The following SLC7A5 variants were observed in gnomAD, a reference collection of about 807,000 sequenced individuals.
The protein encoded by SLC7A5 is large neutral amino acids transporter small subunit 1.
In SLC7A5, 23 loss-of-function variants were observed where a neutral mutation model predicts 50.2. The ratio of observed to expected loss-of-function variants is 0.46; its 90% CI spans 0.33 to 0.65. SLC7A5 has a LOEUF of 0.65. Ranked by LOEUF, SLC7A5 falls within the 30% of genes least tolerant of loss-of-function variation. The pLI, the probability that SLC7A5 is intolerant of heterozygous loss-of-function variation, is 0.02. For missense variants in SLC7A5, 578 were observed against 684.4 expected, an observed-to-expected ratio of 0.84 and a Z score of 1.73; for synonymous variants, 393 against 330.6, an observed-to-expected ratio of 1.19 and a Z score of -2.05.
chr16:87,841,073 G>A lies in SLC7A5; in HGVS notation c.747C>T (p.Ser249=), dbSNP rs148552592. The change falls in exon 3 of 10, where the codon AGC becomes AGT. Residue 249 remains serine (S), a synonymous_variant. Transcript: ENST00000261622. This position sits in a 1 kb window ranked among gnomAD's most constrained non-coding sequence, Gnocchi z 4.8. ...DVGNIVLALY[S]GLFAYGGWNY... ...ACCATCCTCCATAGGCAAAGAGGCCGCTGTATAATGCCAGCACAATGTTCC... is the reference window on the plus strand; with the variant it reads ...ACCATCCTCCATAGGCAAAGAGGCCACTGTATAATGCCAGCACAATGTTCC... 1.7e-4 allele frequency: 277 copies of A among 1,613,328 alleles called. No homozygotes were observed. The highest frequency in any genetic ancestry group is 3.3e-4 in the Middle Eastern group (2 of 6,084).
rs930511257 is a variant in SLC7A5, at chr16:87,851,724, C to T, written c.664G>A (p.Gly222Ser). ...ILLGFVQIGK[G>S]DVSNLDPNFS... The stretch of plus-strand genomic sequence containing the variant: ...GGTGGGGCCTGGGGGACGTACTCAC[C>T]CTTCCCGATCTGGACGAAGCCCAGC... Residue 222 changes from glycine to serine, a missense_variant and splice_region_variant, in exon 2 of 10, where the codon GGT becomes AGT. Physicochemically the swap from Gly to Ser is moderately conservative, Grantham distance 56. Around this residue, in one of 2 missense-constraint regions of SLC7A5, gnomAD observed 465 missense variants for 594.6 expected, o/e 0.78. Transcript: ENST00000261622. The T allele has an allele frequency of 3.1e-6, 5 of 1,611,328 alleles. No homozygotes were observed. The highest frequency in any genetic ancestry group is 1.6e-4 in the Middle Eastern group (1 of 6,074).
At chr16:87,843,381 T>C (rs1413515458) in intron 2 of SLC7A5, among the ~76,000 whole-genome samples, 1 of 64,602 alleles carries the variant, frequency 1.5e-5, no homozygotes, top group Non-Finnish European at 2.6e-5. Context: ...TTTTTTTTTT[T>C]TTTTTGAGAC....
intron 2 of SLC7A5, 66 bp downstream of exon 2, chr16:87,851,658 G>A (rs541933252): frequency 2.5e-6 from 4 of 1,575,942 alleles, no homozygotes; most frequent in Middle Eastern, 1.8e-4. Context: ...GGGACCTCAT[G>A]CCCTGTGAAG....
chr16:87,846,620 C>T (rs1463380911), intron 2 of SLC7A5, among the ~76,000 whole-genome samples: 4 of 152,176 alleles, frequency 2.6e-5, no homozygotes, highest in African/African-American at 4.8e-5. Context: ...GGAAACACAG[C>T]GAGGGGGTGT....
chr16:87,837,857 G>C lies in SLC7A5; in HGVS notation c.1128C>G (p.Ser376=), dbSNP rs1293487148. Residue 376 remains serine, a synonymous_variant, in exon 7 of 10, where the codon TCC becomes TCG. Coordinates refer to ENST00000261622, the MANE Select transcript of SLC7A5 (RefSeq NM_003486.7). ...GCAGCAGGCTTACCGTGAACACGAG[G>C]GACGGCACGGGGGTGAGGAGCTGTG... The part of the protein sequence containing the change: ...IHPQLLTPVP[S]LVFTCVMTLL... The C allele has an allele frequency of 6.2e-7, 1 of 1,605,712 alleles. No homozygotes were observed. Among genetic ancestry groups the C allele is most frequent in the Non-Finnish European group, 8.5e-7 (1 of 1,177,398 alleles).
At chr16:87,854,225 G>A (rs1222110111) in intron 1 of SLC7A5, among the ~76,000 whole-genome samples, 1 of 152,154 alleles carries the variant, frequency 6.6e-6, no homozygotes, top group Non-Finnish European at 1.5e-5. Flanking sequence ...CAGACAGGCG[G>A]GGGCCGGGTC....
rs753432521 is a variant in SLC7A5 at position 87,869,209 on chromosome 16, G to A, written c.214C>T (p.Pro72Ser). 1.9e-6 allele frequency: 3 copies of A among 1,612,518 alleles called. No individual in the cohort carries two copies. Among genetic ancestry groups the A allele is most frequent in the Non-Finnish European group, 2.5e-6 (3 of 1,179,838 alleles). The change falls in exon 1 of 10, where the codon CCC becomes TCC. Residue 72 changes from proline to serine, a missense_variant. Pro to Ser is a moderately conservative substitution (Grantham distance 74). Transcript: ENST00000261622. Reference protein sequence around the residue: ...TIIGSGIFVTPTGVLKEAGSP... With the variant: ...TIIGSGIFVTSTGVLKEAGSP... ...CCTGCCTCCTTGAGCACGCCCGTGGGCGTCACGAAGATGCCCGAGCCGATA... is the reference window on the plus strand; with the variant it reads ...CCTGCCTCCTTGAGCACGCCCGTGGACGTCACGAAGATGCCCGAGCCGATA...
chr16:87,863,799 G>A (rs2055426312), intron 1 of SLC7A5, among the ~76,000 whole-genome samples: 1 of 151,590 alleles, frequency 6.6e-6, no homozygotes, highest in Non-Finnish European at 1.5e-5. Context: ...CAGCAAAACT[G>A]AGAACCTTGT....
rs1253681854 is a variant in SLC7A5 at position 87,869,369 on chromosome 16, C to T, written c.54G>A (p.Glu18=). 4.4e-6 allele frequency: 7 copies of T among 1,604,360 alleles called. No individual in the cohort carries two copies. The highest frequency in any genetic ancestry group is 2.5e-6 in the Non-Finnish European group (3 of 1,177,128). ...RRALAAPAAE[E]KEEAREKMLA... ...GCATCTTCTCCCGCGCCTCTTCCTT[C>T]TCCTCGGCCGCCGGCGCCGCTAGCG... Residue 18 remains glutamate, a synonymous_variant, in exon 1 of 10, where the codon GAG becomes GAA. Coordinates refer to ENST00000261622, the MANE Select transcript of SLC7A5 (RefSeq NM_003486.7).
In SLC7A5 at chr16:87,839,810, G is replaced by C. The variant is rs576086215; in HGVS notation, c.831C>G (p.Ala277=). 1.2e-6 allele frequency: 2 copies of C among 1,613,882 alleles called. No homozygotes were observed. Among genetic ancestry groups the C allele is most frequent in the African/African-American group, 2.7e-5 (2 of 75,046 alleles). ...MINPYRNLPL[A]IIISLPIVTL... ...TCACGATGGGCAGGGAGATGATGAT[G>C]GCCAGGGGCAGGTTTCTGGAAAGAA... Residue 277 remains alanine (A), a synonymous_variant, in exon 5 of 10, where the codon GCC becomes GCG. Coordinates refer to ENST00000261622, the MANE Select transcript of SLC7A5 (RefSeq NM_003486.7).
chr16:87,839,628 C>T (rs2055057854), intron 5 of SLC7A5, 74 bp downstream of exon 5: 1 of 1,603,570 alleles, frequency 6.2e-7, no homozygotes, highest in African/African-American at 1.3e-5. Context: ...TGTGGGGCAC[C>T]ACTCCGGTCT....
rs1277510768 is a variant in SLC7A5, at chr16:87,862,438, TTCCTACTTCCA to T, written c.538+6436_538+6446del. Among the ~76,000 whole-genome samples the T allele has an allele frequency of 6.6e-6, 1 of 152,234 alleles. No homozygotes were observed. Among genetic ancestry groups the T allele is most frequent in the African/African-American group, 2.4e-5 (1 of 41,456 alleles). Reference sequence around the variant, plus strand: ...AGGGGCTCAGAGACAGTTGTGGCGATTCCTACTTCCACCCATAGCCCCCCGACCCTGGGCCT... The same window carrying T: ...AGGGGCTCAGAGACAGTTGTGGCGATCCCATAGCCCCCCGACCCTGGGCCT... On this transcript the variant is annotated intron_variant, in intron 1 of 9. Coordinates refer to ENST00000261622, the MANE Select transcript of SLC7A5 (RefSeq NM_003486.7). The surrounding 1 kb of genome is among the most constrained non-coding windows in gnomAD (Gnocchi z 5.3).
At chr16:87,839,113 T>C (rs1180423950) in intron 5 of SLC7A5, among the ~76,000 whole-genome samples, 1 of 152,150 alleles carries the variant, frequency 6.6e-6, no homozygotes, top group Non-Finnish European at 1.5e-5. Flanking sequence ...CCTTCCCCCG[T>C]GGGGTCCTCC....
Position 87,838,917 on chromosome 16 carries a change from G to C in SLC7A5, c.940-100C>G. 4.7e-6 allele frequency: 4 copies of C among 858,288 alleles called. No individual in the cohort carries two copies. In the South Asian group the frequency reaches 5.5e-5, roughly 12 times the overall value. 53.2% of individuals were successfully genotyped at this position (858,288 alleles called of 1,614,324 possible). A position where few individuals can be genotyped will look rare whatever the true frequency, so the allele number is the denominator to read the frequency against. On this transcript the variant is annotated intron_variant, in intron 5 of 9. Transcript: ENST00000261622. ...TGCACCGGGCCAGCCCTCGCCCTCT[G>C]TGCTCACAAGAGCCCTCTGCAGAGG...
Position 87,852,907 on chromosome 16 carries a change from A to T in SLC7A5, c.539-1058T>A, listed in dbSNP as rs1213100883. On this transcript the variant is annotated intron_variant, in intron 1 of 9. Transcript: ENST00000261622. This position sits in a 1 kb window ranked among gnomAD's most constrained non-coding sequence, Gnocchi z 4.5. ...CACGACACCCCTCACTGCCTGCTGC[A>T]CTACCCTTCACTCCTCTGCTCACGA... Among the ~76,000 whole-genome samples, 1 of 152,170 alleles carries T rather than the reference A, an allele frequency of 6.6e-6. No homozygotes were observed. The highest frequency in any genetic ancestry group is 1.5e-5 in the Non-Finnish European group (1 of 68,026).
rs1288473734 is a variant in SLC7A5, at chr16:87,833,785, C to G, written c.1468+629G>C. 6.6e-6 allele frequency among the ~76,000 whole-genome samples: 1 copy of G among 151,932 alleles called. No homozygotes were observed. Among genetic ancestry groups the G allele is most frequent in the Admixed American group, 6.6e-5 (1 of 15,248 alleles). On this transcript the variant is annotated intron_variant, in intron 9 of 9. Coordinates refer to ENST00000261622, the MANE Select transcript of SLC7A5 (RefSeq NM_003486.7). This position sits in a 1 kb window ranked among gnomAD's most constrained non-coding sequence, Gnocchi z 6.0. The stretch of plus-strand genomic sequence containing the variant: ...ATTTGCAGGCGCTGAGGACGGGGTC[C>G]TGAGCTTGGTGACAAAGCACCCCTG...
At position 87,852,599 on chromosome 16, in the gene SLC7A5, C is replaced by A. The variant is rs75318493; in HGVS notation, c.539-750G>T. Among the ~76,000 whole-genome samples the A allele has an allele frequency of 2.0e-5, 3 of 151,434 alleles. No homozygotes were observed. The highest frequency in any genetic ancestry group is 7.3e-5 in the African/African-American group (3 of 40,988). Reference sequence around the variant, plus strand: ...TCAGACAGGTCTCCAGACACCAGCACGTCCTCCTGGGCCCTGTAAGGCACC... The same window carrying A: ...TCAGACAGGTCTCCAGACACCAGCAAGTCCTCCTGGGCCCTGTAAGGCACC... On this transcript the variant is annotated intron_variant, in intron 1 of 9. Transcript: ENST00000261622. The surrounding 1 kb of genome is among the most constrained non-coding windows in gnomAD (Gnocchi z 4.5).
rs570999199 is a variant in SLC7A5 at position 87,861,014 on chromosome 16, G to T, written c.538+7871C>A. On this transcript the variant is annotated intron_variant, in intron 1 of 9. Coordinates refer to ENST00000261622, the MANE Select transcript of SLC7A5 (RefSeq NM_003486.7). This position sits in a 1 kb window ranked among gnomAD's most constrained non-coding sequence, Gnocchi z 4.2. ...CCAGTATCAGGGAAGGAGACGCTGT[G>T]GGGGGCCCTCCTGTTGGAAAAGGGC... Among the ~76,000 whole-genome samples the T allele has an allele frequency of 3.3e-4, 51 of 152,316 alleles. No homozygotes were observed. In the East Asian group the frequency reaches 5.4e-3, roughly 16 times the overall value.
chr16:87,860,863 G>C lies in SLC7A5; in HGVS notation c.538+8022C>G, dbSNP rs2055389023. Among the ~76,000 whole-genome samples the C allele has an allele frequency of 6.6e-6, 1 of 152,178 alleles. No individual in the cohort carries two copies. On this transcript the variant is annotated intron_variant, in intron 1 of 9. Transcript: ENST00000261622. The surrounding 1 kb of genome is among the most constrained non-coding windows in gnomAD (Gnocchi z 4.8). ...GAGGGGCGGGCAATGCCAGAGAACGGTCCCCACCTGGGGTGGTCTGACGGC... is the reference window on the plus strand; with the variant it reads ...GAGGGGCGGGCAATGCCAGAGAACGCTCCCCACCTGGGGTGGTCTGACGGC...
Sources: gnomAD v4.1 joint callset for allele counts (sites outside exome capture counted in the v4.1 genomes callset) on GRCh38, gnomAD v4.1.1 for gene constraint, gnomAD v4.1.1 regional missense constraint, Gnocchi (gnomAD v3.1) non-coding constraint, MANE v1.5 for transcripts, NCBI Gene and HGNC (gene_info 2026-07-23, HGNC 2026-07-21) for gene names.